The following BYSL variants were observed in gnomAD, a reference collection of about 807,000 sequenced individuals.
The protein encoded by BYSL is bystin like.
A neutral mutation model predicts 45.4 loss-of-function variants in BYSL; 21 were observed. The observed-to-expected ratio is 0.46, with a 90% CI of 0.33 to 0.67. The LOEUF (loss-of-function observed/expected upper bound fraction) is 0.67, where lower values mean the gene tolerates loss of function less well. BYSL is among the 30% of genes least tolerant of loss of function. BYSL has a pLI of 0.02. For missense variants in BYSL, 522 were observed against 578.5 expected, an observed-to-expected ratio of 0.90 and a Z score of 1.00; for synonymous variants, 215 against 231.3, an observed-to-expected ratio of 0.93 and a Z score of 0.64.
At position 41,932,589 on chromosome 6, in the gene BYSL, G is replaced by C; in HGVS notation, c.1197G>C (p.Glu399Asp). The change falls in exon 7 of 7, where the codon GAG becomes GAC. Residue 399 changes from glutamate (E) to aspartate (D), a missense_variant. By Grantham distance (45) the Glu-to-Asp change is conservative. Transcript: ENST00000230340. This position sits in a 1 kb window ranked among gnomAD's most constrained non-coding sequence, Gnocchi z 4.7. Reference sequence around the variant, plus strand: ...CCGACTTGGCCACAGACCAGAAAGAGGCCCTCTTAGAACTGCTCCGGCTGC... The same window carrying C: ...CCGACTTGGCCACAGACCAGAAAGACGCCCTCTTAGAACTGCTCCGGCTGC... Reference protein sequence around the residue: ...YKADLATDQKEALLELLRLQP... With the variant: ...YKADLATDQKDALLELLRLQP... 1 of 1,614,210 alleles carries C rather than the reference G, an allele frequency of 6.2e-7. No homozygotes were observed. The highest frequency in any genetic ancestry group is 8.5e-7 in the Non-Finnish European group (1 of 1,180,040).
chr6:41,918,102 A>G (rs1444789217), upstream of BYSL, among the ~76,000 whole-genome samples: 1 of 152,228 alleles, frequency 6.6e-6, no homozygotes, highest in Non-Finnish European at 1.5e-5. Context: ...TAGGTAACCA[A>G]CTGCCAACCA....
In BYSL at chr6:41,921,505, A is replaced by T. The variant is rs1484826099; in HGVS notation, c.-58A>T. On this transcript the variant is annotated 5_prime_UTR_variant, in exon 1 of 7. Transcript: ENST00000230340. Reference sequence around the variant, plus strand: ...CGCTGGGAGTCCACCGCGCAAGCGCATCCTGGCCTTTCTTCAGTCCCCACG... The same window carrying T: ...CGCTGGGAGTCCACCGCGCAAGCGCTTCCTGGCCTTTCTTCAGTCCCCACG... The T allele has an allele frequency of 5.3e-6, 8 of 1,514,280 alleles. No homozygotes were observed. The highest frequency in any genetic ancestry group is 7.1e-6 in the Non-Finnish European group (8 of 1,131,900). The allele number at this position is 1,514,280 out of a possible 1,614,324, so 93.8% of individuals were successfully genotyped here.
the BYSL span, among the ~76,000 whole-genome samples, chr6:41,913,340 T>C: frequency 6.6e-6 from 1 of 152,288 alleles, no homozygotes; most frequent in African/African-American, 2.4e-5. Flanking sequence ...TGCTCTTTCC[T>C]GCCTGCCATG....
chr6:41,923,319 T>TC (rs1775518269), intron 1 of BYSL, among the ~76,000 whole-genome samples: 1 of 151,470 alleles, frequency 6.6e-6, no homozygotes, highest in Non-Finnish European at 1.5e-5. Context: ...TTCTTTTTTT[T>TC]TTTTTTTGAG....
At chr6:41,914,692 G>C in the BYSL span, among the ~76,000 whole-genome samples, 1 of 151,332 alleles carries the variant, frequency 6.6e-6, no homozygotes, top group Non-Finnish European at 1.5e-5. Context: ...GTACAGCCGG[G>C]CAACGAAGTG....
chr6:41,930,527 TG>T, intron 3 of BYSL, 107 bp from the exon 4 acceptor site: 2 of 1,405,660 alleles, frequency 1.4e-6, no homozygotes, highest in Non-Finnish European at 9.6e-7. Flanking sequence ...TAGGTTATTG[TG>T]GGGATGCAAT....
chr6:41,916,673 C>T, upstream of BYSL: 1 of 1,332,998 alleles, frequency 7.5e-7, no homozygotes, highest in Non-Finnish European at 1.0e-6. Context: ...CACATCTCGC[C>T]ACATGTTTAA....
At chr6:41,913,725 C>T in the BYSL span, among the ~76,000 whole-genome samples, 2 of 152,098 alleles carry the variant, frequency 1.3e-5, no homozygotes, top group Non-Finnish European at 2.9e-5. Context: ...TGGTGAAACC[C>T]CATCTCTACT....
Position 41,932,571 on chromosome 6 carries a change from G to A in BYSL, c.1179G>A (p.Leu393=), listed in dbSNP as rs1357682784. 8 of 1,614,234 alleles carry A rather than the reference G, an allele frequency of 5.0e-6. No homozygotes were observed. The Middle Eastern group carries it at 6.6e-4, about 133-fold the overall frequency. The change falls in exon 7 of 7, where the codon TTG becomes TTA. Residue 393 remains leucine (L), a synonymous_variant. Coordinates refer to ENST00000230340, the MANE Select transcript of BYSL (RefSeq NM_004053.4). The surrounding 1 kb of genome is among the most constrained non-coding windows in gnomAD (Gnocchi z 4.7). ...TGGTCCAGCGCTACAAGGCCGACTT[G>A]GCCACAGACCAGAAAGAGGCCCTCT... ...LTLVQRYKAD[L]ATDQKEALLE... is the part of the protein sequence containing the mutation.
At chr6:41,913,272 A>G in the BYSL span, among the ~76,000 whole-genome samples, 19 of 152,214 alleles carry the variant, frequency 1.2e-4, no homozygotes, top group African/African-American at 4.1e-4. Flanking sequence ...CTAAAGGCAC[A>G]GAGCCAGTAA....
intron 2 of BYSL, 113 bp downstream of exon 2, chr6:41,927,649 C>A: frequency 7.5e-7 from 1 of 1,331,942 alleles, no homozygotes. Flanking sequence ...GAGTTGCTAG[C>A]TGTAGGGGAC....
rs1561946129 is a variant in BYSL at position 41,932,747 on chromosome 6, AC to A, written c.*42del. ...GTCCTGGCCAAAGGGGTTTGGAAGG[AC>A]ACCAAGACCCCCGTTGGTGACTGAA... On this transcript the variant is annotated 3_prime_UTR_variant, in exon 7 of 7. Coordinates refer to ENST00000230340, the MANE Select transcript of BYSL (RefSeq NM_004053.4). The surrounding 1 kb of genome is among the most constrained non-coding windows in gnomAD (Gnocchi z 4.7). 6.4e-7 allele frequency: 1 copy of A among 1,559,030 alleles called. No homozygotes were observed. Among genetic ancestry groups the A allele is most frequent in the East Asian group, 2.3e-5 (1 of 44,316 alleles).
chr6:41,932,578 G>A lies in BYSL; in HGVS notation c.1186G>A (p.Asp396Asn). ...GCGCTACAAGGCCGACTTGGCCACAGACCAGAAAGAGGCCCTCTTAGAACT... is the reference window on the plus strand; with the variant it reads ...GCGCTACAAGGCCGACTTGGCCACAAACCAGAAAGAGGCCCTCTTAGAACT... ...VQRYKADLAT[D>N]QKEALLELLR... Residue 396 changes from aspartate to asparagine, a missense_variant, in exon 7 of 7, where the codon GAC (aspartate) becomes AAC (asparagine). By Grantham distance (23) the Asp-to-Asn change is conservative. Transcript: ENST00000230340. This position sits in a 1 kb window ranked among gnomAD's most constrained non-coding sequence, Gnocchi z 4.7. 1 of 1,614,216 alleles carries A rather than the reference G, an allele frequency of 6.2e-7. No homozygotes were observed. Among genetic ancestry groups the A allele is most frequent in the Non-Finnish European group, 8.5e-7 (1 of 1,180,038 alleles).
chr6:41,931,297 C>CT (rs1370241083), intron 4 of BYSL, 99 bp from the exon 5 acceptor site: 5 of 1,409,406 alleles, frequency 3.5e-6, no homozygotes, highest in Non-Finnish European at 4.9e-6. Flanking sequence ...CCATATTTTA[C>CT]TTTAAAACCT....
Position 41,929,997 on chromosome 6 carries a change from C to CT in BYSL, c.432-134dup. On this transcript the variant is annotated intron_variant, in intron 2 of 6. Transcript: ENST00000230340. ...GATGAATGGGCACAGAGAGAGAACTCTAAGCTGCATATCCCAGCAGGATCG... is the reference window on the plus strand; with the variant it reads ...GATGAATGGGCACAGAGAGAGAACTCTTAAGCTGCATATCCCAGCAGGATCG... 5.0e-6 allele frequency: 6 copies of CT among 1,193,796 alleles called. No homozygotes were observed. The South Asian group carries it at 7.2e-5, about 14-fold the overall frequency. 74.0% of individuals were successfully genotyped at this position (1,193,796 alleles called of 1,614,324 possible). A position where few individuals can be genotyped will look rare whatever the true frequency, so the allele number is the denominator to read the frequency against.
chr6:41,916,258 TAAATA>T, the BYSL span, among the ~76,000 whole-genome samples: 1,560 of 148,326 alleles, frequency 0.011, 18 homozygotes, highest in East Asian at 0.03. Context: ...CTCAAAAAAA[TAAATA>T]AAATAAAATA....
intron 3 of BYSL, 48 bp downstream of exon 3, chr6:41,930,318 TG>T: frequency 4.4e-6 from 7 of 1,587,114 alleles, no homozygotes; most frequent in Non-Finnish European, 6.0e-6. Context: ...TTGGGGGCTG[TG>T]GGCTCCTGCC....
the BYSL span, among the ~76,000 whole-genome samples, chr6:41,913,758 C>T: frequency 6.6e-6 from 1 of 151,960 alleles, no homozygotes; most frequent in African/African-American, 2.4e-5. Flanking sequence ...ATGAGCCAGG[C>T]GTGGTGGAGC....
At chr6:41,909,386 GA>G in the BYSL span, 2 of 1,614,140 alleles carry the variant, frequency 1.2e-6, no homozygotes, top group Admixed American at 3.3e-5. Context: ...TAGCACTCTG[GA>G]AAAAGCCCTT....
Sources: allele counts gnomAD v4.1 joint callset (sites outside exome capture counted in the v4.1 genomes callset), GRCh38; gene constraint gnomAD v4.1.1; non-coding constraint Gnocchi (gnomAD v3.1); transcripts MANE v1.5; gene names NCBI Gene and HGNC (gene_info 2026-07-23, HGNC 2026-07-21).